ZNF420: variants seen among roughly 807,000 people sequenced by gnomAD.
ZNF420 encodes zinc finger protein 420, also known as ATM and p53-associated KZNF protein.
ZNF420 carries 31 observed loss-of-function variants against 44.7 expected under a neutral mutation model. That is an observed-to-expected ratio of 0.69 (90% CI 0.52 to 0.94). ZNF420 has a LOEUF of 0.94. Among genes scored for constraint, ZNF420 ranks in the 40% least tolerant of loss-of-function variants. The pLI is 0.00. For missense variants in ZNF420, 681 were observed against 827.9 expected (o/e 0.82, Z 2.18); for synonymous variants, 245 against 267.4 (o/e 0.92, Z 0.82).
At chr19:37,013,901 G>A (rs1264883600) in intron 1 of ZNF420, among the ~76,000 whole-genome samples, 1 of 152,224 alleles carries the variant, frequency 6.6e-6, no homozygotes, top group African/African-American at 2.4e-5. Context: ...CGTCCCCTAT[G>A]AGCAGATGTA....
In ZNF420 at chr19:37,111,869, C is replaced by G. The variant is rs149438717; in HGVS notation, c.137-15259C>G. The stretch of plus-strand genomic sequence containing the variant: ...AAGGCCAGTCTTTTGGGATCATGGC[C>G]GGAGAGGGCAACCCTGGTTGGAGAT... On this transcript the variant is annotated intron_variant, in intron 4 of 4. Coordinates refer to ENST00000337995, the MANE Select transcript of ZNF420 (RefSeq NM_144689.5). Among the ~76,000 whole-genome samples, 211 of 152,162 alleles carry G rather than the reference C, an allele frequency of 1.4e-3. 3 individuals carry two copies. The highest frequency in any genetic ancestry group is 4.9e-3 in the African/African-American group (205 of 41,506).
At chr19:37,023,099 C>T (rs1302304919) in intron 1 of ZNF420, among the ~76,000 whole-genome samples, 3 of 151,430 alleles carry the variant, frequency 2.0e-5, no homozygotes, top group Non-Finnish European at 4.4e-5. Context: ...GATTGCACCA[C>T]AGCACTCCAG....
chr19:37,120,263 G>A (rs1646557844), intron 4 of ZNF420, among the ~76,000 whole-genome samples: 2 of 152,102 alleles, frequency 1.3e-5, no homozygotes, highest in African/African-American at 4.8e-5. Flanking sequence ...ACATCAAAAA[G>A]CTTATCCCAC....
chr19:37,055,638 C>T (rs1967731457), intron 1 of ZNF420, among the ~76,000 whole-genome samples: 1 of 152,244 alleles, frequency 6.6e-6, no homozygotes, highest in African/African-American at 2.4e-5. Context: ...GACACCGCTA[C>T]TCCTGTCACA....
intron 1 of ZNF420, among the ~76,000 whole-genome samples, chr19:37,052,865 T>C (rs1196588365): frequency 3.3e-5 from 5 of 152,210 alleles, no homozygotes; most frequent in Admixed American, 6.5e-5. Context: ...TCGAGGAGTA[T>C]CTTTGTGGTG....
intron 1 of ZNF420, among the ~76,000 whole-genome samples, chr19:37,027,166 T>A (rs955922578): frequency 6.6e-5 from 10 of 152,374 alleles, no homozygotes; most frequent in South Asian, 2.1e-4. Flanking sequence ...AAAACATTTT[T>A]AAAATTAATT....
chr19:37,117,390 A>G (rs934771130), intron 4 of ZNF420, among the ~76,000 whole-genome samples: 1 of 152,244 alleles, frequency 6.6e-6, no homozygotes, highest in Non-Finnish European at 1.5e-5. Context: ...GCAAACTCCA[A>G]CAGACCTGCA....
At chr19:37,016,667 C>T (rs1311056568) in intron 1 of ZNF420, among the ~76,000 whole-genome samples, 2 of 152,202 alleles carry the variant, frequency 1.3e-5, no homozygotes, top group Non-Finnish European at 2.9e-5. Context: ...TTGCCTTTGT[C>T]CTCGTTCCCG....
At position 37,054,299 on chromosome 19, in the gene ZNF420, C is replaced by T. The variant is rs12462623; in HGVS notation, c.-124-26046C>T. On this transcript the variant is annotated intron_variant, in intron 1 of 4. Transcript: ENST00000587029. ...GGAAAGGGAATTCCCTGACCCCTTG[C>T]GCTTCCTGGGTGAGGTGATGCCTTG... Among the ~76,000 whole-genome samples, 944 of 152,338 alleles carry T rather than the reference C, an allele frequency of 6.2e-3. 28 individuals carry two copies. Among genetic ancestry groups the T allele is most frequent in the East Asian group, 0.05 (259 of 5,182 alleles).
intron 1 of ZNF420, among the ~76,000 whole-genome samples, chr19:37,047,910 T>G (rs2146419110): frequency 6.6e-6 from 1 of 152,308 alleles, no homozygotes; most frequent in South Asian, 2.1e-4. Flanking sequence ...TAAATGCTGG[T>G]TTTTAATCAC....
chr19:37,061,191 C>T (rs1967873567), intron 1 of ZNF420, among the ~76,000 whole-genome samples: 1 of 152,322 alleles, frequency 6.6e-6, no homozygotes, highest in South Asian at 2.1e-4. Context: ...TTGAATACAC[C>T]AGTGCCACGT....
At chr19:37,046,126 T>C (rs181923774) in intron 1 of ZNF420, among the ~76,000 whole-genome samples, 3 of 152,264 alleles carry the variant, frequency 2.0e-5, no homozygotes, top group Admixed American at 1.3e-4. Flanking sequence ...TTCTGGGAGA[T>C]AGAATTCAAG....
upstream of ZNF420, chr19:37,075,139 A>G (rs1314117141): frequency 1.3e-5 from 2 of 152,216 alleles, no homozygotes; most frequent in Non-Finnish European, 2.9e-5. Flanking sequence ...ACTATAACGG[A>G]GCTGAATCCA....
upstream of ZNF420, among the ~76,000 whole-genome samples, chr19:37,073,739 T>A: frequency 1.5e-5 from 2 of 130,920 alleles, no homozygotes; most frequent in African/African-American, 3.0e-5. Context: ...AGCGAGACTC[T>A]GCCTGAAAAA....
chr19:37,022,903 C>T (rs1050127122), intron 1 of ZNF420, among the ~76,000 whole-genome samples: 28 of 152,070 alleles, frequency 1.8e-4, no homozygotes, highest in East Asian at 3.9e-4. Flanking sequence ...TTTGGGAGGC[C>T]GAAGCAAGCG....
intron 4 of ZNF420, among the ~76,000 whole-genome samples, chr19:37,117,453 C>T (rs985956102): frequency 2.0e-5 from 3 of 152,172 alleles, no homozygotes; most frequent in Non-Finnish European, 4.4e-5. Context: ...AGGACATCCA[C>T]ACCAAAAACC....
At position 37,129,295 on chromosome 19, in the gene ZNF420, T is replaced by C. The variant is rs1312396938; in HGVS notation, c.*237T>C. 3 of 492,832 alleles carry C rather than the reference T, an allele frequency of 6.1e-6. No homozygotes were observed. Among genetic ancestry groups the C allele is most frequent in the South Asian group, 3.5e-5 (1 of 28,820 alleles). 30.5% of individuals were successfully genotyped at this position (492,832 alleles called of 1,614,324 possible). On this transcript the variant is annotated 3_prime_UTR_variant, in exon 5 of 5. Coordinates refer to ENST00000337995, the MANE Select transcript of ZNF420 (RefSeq NM_144689.5). ...GTAAATGTAGGAAGCCCTTTAGCCA[T>C]ATTGAAAACAAATATCTTTTTCAAC...
At chr19:37,051,665 A>C (rs1382321521) in intron 1 of ZNF420, among the ~76,000 whole-genome samples, 1 of 151,884 alleles carries the variant, frequency 6.6e-6, no homozygotes, top group Non-Finnish European at 1.5e-5. Flanking sequence ...CTTTTCAAAA[A>C]ACCAGCTACT....
chr19:37,068,382 G>A (rs1462504989), intron 1 of ZNF420, among the ~76,000 whole-genome samples: 2 of 152,204 alleles, frequency 1.3e-5, no homozygotes, highest in Admixed American at 6.5e-5. Context: ...GCTCATGCCT[G>A]TAATCCCAGC....
Sources: allele counts gnomAD v4.1 joint callset (sites outside exome capture counted in the v4.1 genomes callset), GRCh38; gene constraint gnomAD v4.1.1; transcripts MANE v1.5; gene names NCBI Gene and HGNC (gene_info 2026-07-23, HGNC 2026-07-21).